Variants in CBFB observed in about 807,000 individuals in gnomAD.
The protein encoded by CBFB is CBF-beta.
CBFB carries 9 observed loss-of-function variants against 30.4 expected under a neutral mutation model. The ratio of observed to expected loss-of-function variants is 0.30; its 90% CI spans 0.18 to 0.52. CBFB has a LOEUF of 0.52. Ranked by LOEUF, CBFB falls within the 20% of genes least tolerant of loss-of-function variation. The pLI is 0.97. For synonymous variants in CBFB, 94 were observed against 84.0 expected, an observed-to-expected ratio of 1.12 and a Z score of -0.65; for missense variants, 170 against 244.0, an observed-to-expected ratio of 0.70 and a Z score of 2.02.
intron 3 of CBFB, among the ~76,000 whole-genome samples, chr16:67,047,699 T>A (rs1040929404): frequency 6.6e-6 from 1 of 152,180 alleles, no homozygotes; most frequent in Non-Finnish European, 1.5e-5. Flanking sequence ...ATTTTTTTTT[T>A]AGGATATTTA....
At chr16:67,076,186 C>T (rs1292049169) in intron 4 of CBFB, among the ~76,000 whole-genome samples, 2 of 147,192 alleles carry the variant, frequency 1.4e-5, no homozygotes, top group Admixed American at 6.6e-5. Context: ...GCTGAGATCG[C>T]GCCACTGCAC....
rs1961585407 is a variant in CBFB, at chr16:67,082,290, T to C, written c.477T>C (p.Ser159=). The change falls in exon 5 of 6, where the codon TCT becomes TCC. Residue 159 remains serine, a synonymous_variant. Transcript: ENST00000412916. ...RTREFEDRDR[S]HREEMEARRQ... is the part of the protein sequence containing the mutation. ...GCGAATTTGAAGATAGAGACAGGTC[T>C]CATCGGGAGGAAATGGAGGTGAGAG... 1 of 1,612,474 alleles carries C rather than the reference T, an allele frequency of 6.2e-7. No individual in the cohort carries two copies. Among genetic ancestry groups the C allele is most frequent in the African/African-American group, 1.3e-5 (1 of 74,902 alleles).
At chr16:67,072,181 T>C (rs1961241639) in intron 4 of CBFB, among the ~76,000 whole-genome samples, 1 of 152,214 alleles carries the variant, frequency 6.6e-6, no homozygotes, top group Non-Finnish European at 1.5e-5. Flanking sequence ...ACTGAAATTA[T>C]ATAATATTTT....
chr16:67,038,322 GTATATGTGTGTGTATATATGTA>G (rs1305237610), intron 3 of CBFB, among the ~76,000 whole-genome samples: 1 of 148,992 alleles, frequency 6.7e-6, no homozygotes, highest in African/African-American at 2.5e-5. Flanking sequence ...GTATATATAC[GTATATGTGTGTGTATATATGTA>G]TATATGTGTG....
At chr16:67,054,069 T>C (rs904672110) in intron 3 of CBFB, among the ~76,000 whole-genome samples, 3 of 152,064 alleles carry the variant, frequency 2.0e-5, no homozygotes, top group African/African-American at 7.2e-5. Context: ...GATTGTCCTC[T>C]ATATCCAGCG....
chr16:67,029,836 C>T (rs1427429346), intron 2 of CBFB, 23 bp downstream of exon 2: 3 of 1,558,646 alleles, frequency 1.9e-6, no homozygotes, highest in Admixed American at 3.6e-5. Context: ...GCCCGGGGCG[C>T]GCGCGGGTCA....
chr16:67,064,081 C>T (rs1210527399), intron 3 of CBFB, among the ~76,000 whole-genome samples: 1 of 152,198 alleles, frequency 6.6e-6, no homozygotes, highest in Non-Finnish European at 1.5e-5. Flanking sequence ...TTTGAAAACT[C>T]ACTGAAGAAT....
intron 5 of CBFB, among the ~76,000 whole-genome samples, chr16:67,094,834 T>C (rs923648362): frequency 6.6e-6 from 1 of 152,216 alleles, no homozygotes; most frequent in South Asian, 2.1e-4. Context: ...TACTATAACC[T>C]ATTTAATTGA....
chr16:67,050,225 CATATTT>C (rs1966715743), intron 3 of CBFB, among the ~76,000 whole-genome samples: 2 of 146,182 alleles, frequency 1.4e-5, no homozygotes, highest in South Asian at 4.2e-4. Context: ...TTATATATCA[CATATTT>C]ATATGTAATA....
chr16:67,078,137 A>C (rs995832190), intron 4 of CBFB, among the ~76,000 whole-genome samples: 1 of 152,244 alleles, frequency 6.6e-6, no homozygotes, highest in Non-Finnish European at 1.5e-5. Context: ...GGGAGGTGTT[A>C]GATTGCAGCA....
chr16:67,057,949 C>CT (rs1408399964), intron 3 of CBFB, among the ~76,000 whole-genome samples: 2 of 152,180 alleles, frequency 1.3e-5, no homozygotes, highest in Admixed American at 1.3e-4. Context: ...TACTCTTTCT[C>CT]TAATTTCTCA....
At chr16:67,060,247 C>T (rs760706261) in intron 3 of CBFB, among the ~76,000 whole-genome samples, 2 of 152,096 alleles carry the variant, frequency 1.3e-5, no homozygotes, top group Non-Finnish European at 1.5e-5. Flanking sequence ...AGATTACAAG[C>T]GTGAGCCACC....
chr16:67,042,475 T>G (rs1319638921), intron 3 of CBFB, among the ~76,000 whole-genome samples: 1 of 152,168 alleles, frequency 6.6e-6, no homozygotes. Flanking sequence ...TATGCACCCA[T>G]GTAGATGCTA....
chr16:67,045,529 T>A (rs540208612), intron 3 of CBFB, among the ~76,000 whole-genome samples: 3 of 151,214 alleles, frequency 2.0e-5, no homozygotes, highest in Non-Finnish European at 1.5e-5. Context: ...AAAAAAAAAA[T>A]TAAAATGTTT....
At chr16:67,059,063 A>G (rs1244532167) in intron 3 of CBFB, among the ~76,000 whole-genome samples, 1 of 152,162 alleles carries the variant, frequency 6.6e-6, no homozygotes, top group Non-Finnish European at 1.5e-5. Context: ...ATCCCTTTGT[A>G]CCTTTAATTT....
rs187207436 is a variant in CBFB at position 67,042,511 on chromosome 16, C to G, written c.282+5756C>G. 4.6e-5 allele frequency among the ~76,000 whole-genome samples: 7 copies of G among 152,122 alleles called. No homozygotes were observed. The East Asian group carries it at 1.3e-3, about 29-fold the overall frequency. Reference sequence around the variant, plus strand: ...CCACAGTCAAGATATATTTCAGTCACCCCCCCAAAGGTTTCCTTGTGCCCC... The same window carrying G: ...CCACAGTCAAGATATATTTCAGTCAGCCCCCCAAAGGTTTCCTTGTGCCCC... On this transcript the variant is annotated intron_variant, in intron 3 of 5. Coordinates refer to ENST00000412916, the MANE Select transcript of CBFB (RefSeq NM_022845.3).
At chr16:67,068,681 G>A (rs1961129012) in intron 4 of CBFB, among the ~76,000 whole-genome samples, 1 of 152,102 alleles carries the variant, frequency 6.6e-6, no homozygotes, top group African/African-American at 2.4e-5. Context: ...TATGAGATAT[G>A]CAACTATGAA....
intron 3 of CBFB, among the ~76,000 whole-genome samples, chr16:67,044,445 C>A (rs1226954286): frequency 1.3e-5 from 2 of 152,140 alleles, no homozygotes; most frequent in East Asian, 3.8e-4. Flanking sequence ...TAGTCAAATA[C>A]ATTAATGTCA....
intron 4 of CBFB, chr16:67,067,066 T>A (rs1196221247): frequency 8.6e-6 from 2 of 233,810 alleles, no homozygotes; most frequent in Non-Finnish European, 1.7e-5. Context: ...AAATATTTAT[T>A]CTTGATCTTT....
Sources: allele counts gnomAD v4.1 joint callset (sites outside exome capture counted in the v4.1 genomes callset), GRCh38; gene constraint gnomAD v4.1.1; transcripts MANE v1.5; gene names NCBI Gene and HGNC (gene_info 2026-07-23, HGNC 2026-07-21).